CTNNA2: variants seen among roughly 807,000 people sequenced by gnomAD.
The protein encoded by CTNNA2 is catenin alpha 2, also known as catenin alpha-2.
CTNNA2 carries 42 observed loss-of-function variants against 101.0 expected under a neutral mutation model. The ratio of observed to expected loss-of-function variants is 0.42; its 90% CI spans 0.32 to 0.54. CTNNA2 has a LOEUF of 0.54. Among genes scored for constraint, CTNNA2 ranks in the 20% least tolerant of loss-of-function variants. CTNNA2 has a pLI of 0.14. For synonymous variants in CTNNA2, 450 were observed against 456.4 expected, an observed-to-expected ratio of 0.99 and a Z score of 0.18; for missense variants, 871 against 1,223.1, an observed-to-expected ratio of 0.71 and a Z score of 4.29.
chr2:79,744,915 C>G (rs1471699070), intron 3 of CTNNA2, among the ~76,000 whole-genome samples: 1 of 152,090 alleles, frequency 6.6e-6, no homozygotes, highest in African/African-American at 2.4e-5. Context: ...AATGTAAAAT[C>G]AGGTTTCTAT....
chr2:79,875,506 A>C (rs1682951018), intron 6 of CTNNA2, among the ~76,000 whole-genome samples: 1 of 152,182 alleles, frequency 6.6e-6, no homozygotes. Flanking sequence ...GCTTTTGAAT[A>C]TGTTGATGTG....
intron 1 of CTNNA2, among the ~76,000 whole-genome samples, chr2:79,619,940 C>CT (rs1337386481): frequency 1.3e-5 from 2 of 152,236 alleles, no homozygotes; most frequent in Middle Eastern, 3.4e-3. Flanking sequence ...ATTTTCGTAG[C>CT]TTTTTTTCTG....
Position 80,574,172 on chromosome 2 carries a change from G to A in CTNNA2, c.1751G>A (p.Arg584His), listed in dbSNP as rs754282191. The A allele has an allele frequency of 7.4e-6, 12 of 1,611,426 alleles. No homozygotes were observed. The highest frequency in any genetic ancestry group is 3.3e-5 in the Admixed American group (2 of 59,888). ...TTTATTTTTAACCCAGTGATGCCAC[G>A]CTTCGCTGAACAAGTAGAGGTTGCC... ...TKLLSETVMP[R>H]FAEQVEVAIE... The change falls in exon 13 of 19, where the codon CGC becomes CAC. Residue 584 changes from arginine (R) to histidine (H), a missense_variant. Arg to His is a conservative substitution (Grantham distance 29). Transcript: ENST00000402739.
chr2:80,146,143 C>T (rs1204080190), intron 7 of CTNNA2, among the ~76,000 whole-genome samples: 1 of 152,192 alleles, frequency 6.6e-6, no homozygotes, highest in African/African-American at 2.4e-5. Context: ...ACAGCCCTAG[C>T]TGTCTCTTCA....
At chr2:79,841,119 C>A (rs887523174) in intron 3 of CTNNA2, among the ~76,000 whole-genome samples, 1 of 152,126 alleles carries the variant, frequency 6.6e-6, no homozygotes, top group African/African-American at 2.4e-5. Flanking sequence ...TGTTTGGAGA[C>A]AGGGTCTTGC....
In CTNNA2 at chr2:79,263,545, A is replaced by G. The variant is rs922137902; in HGVS notation, c.-405-49164A>G. Among the ~76,000 whole-genome samples the G allele has an allele frequency of 2.6e-5, 4 of 152,198 alleles. No homozygotes were observed. In the East Asian group the frequency reaches 5.8e-4, roughly 22 times the overall value. On this transcript the variant is annotated intron_variant, in intron 2 of 21. Coordinates refer to the CTNNA2 transcript ENST00000466387. ...AATAAACCTCTTTTCTTTATAAATC[A>G]CCCAGCCTCGGATATTTATTTATAG...
chr2:79,248,550 G>A (rs4852469), intron 2 of CTNNA2, among the ~76,000 whole-genome samples: 103,804 of 151,924 alleles, frequency 0.68, 35,895 homozygotes, highest in East Asian at 0.84. Context: ...ACCATATTGA[G>A]GAGTGCAGGC....
In CTNNA2 at chr2:80,589,416, G is replaced by A. The variant is rs1233753297; in HGVS notation, c.2120G>A (p.Ser707Asn). ...GCAGAAGTGGCCAAATGGGACGACA[G>A]CGGCAATGATATCATTGTACTGGCC... is the stretch of plus-strand genomic sequence containing the variant. Reference protein sequence around the residue: ...LDAEVAKWDDSGNDIIVLAKQ... With the variant: ...LDAEVAKWDDNGNDIIVLAKQ... The change falls in exon 15 of 19, where the codon AGC becomes AAC. Residue 707 changes from serine (S) to asparagine (N), a missense_variant. Around this residue, in one of 5 missense-constraint regions of CTNNA2, gnomAD observed 93 missense variants for 223.7 expected, o/e 0.42. Transcript: ENST00000402739. 1 of 1,614,004 alleles carries A rather than the reference G, an allele frequency of 6.2e-7. No individual in the cohort carries two copies. The highest frequency in any genetic ancestry group is 8.5e-7 in the Non-Finnish European group (1 of 1,180,000).
At chr2:80,252,474 T>A (rs1671841836) in intron 7 of CTNNA2, among the ~76,000 whole-genome samples, 1 of 152,166 alleles carries the variant, frequency 6.6e-6, no homozygotes, top group African/African-American at 2.4e-5. Flanking sequence ...GCCTCTTGGG[T>A]TGTCCTGCCT....
intron 1 of CTNNA2, among the ~76,000 whole-genome samples, chr2:79,556,681 A>T (rs1312121509): frequency 1.3e-5 from 2 of 152,008 alleles, no homozygotes; most frequent in Non-Finnish European, 1.5e-5. Context: ...TTGTCTTCTT[A>T]TATGTAAAAT....
intron 2 of CTNNA2, among the ~76,000 whole-genome samples, chr2:79,712,531 A>G (rs1182778060): frequency 6.6e-6 from 1 of 152,170 alleles, no homozygotes; most frequent in Admixed American, 6.5e-5. Context: ...AGGAAAAATC[A>G]TTCCCCAAAT....
At chr2:80,050,464 A>G (rs1434361792) in intron 7 of CTNNA2, among the ~76,000 whole-genome samples, 1 of 152,196 alleles carries the variant, frequency 6.6e-6, no homozygotes, top group African/African-American at 2.4e-5. Context: ...TCAGCGTGCC[A>G]CATGTCCCTT....
intron 4 of CTNNA2, among the ~76,000 whole-genome samples, chr2:79,391,537 A>G (rs1364557487): frequency 6.6e-6 from 1 of 152,288 alleles, no homozygotes; most frequent in South Asian, 2.1e-4. Flanking sequence ...GTCAAAAATT[A>G]TATGTGGACT....
At chr2:80,488,348 G>T (rs1686767873) in intron 9 of CTNNA2, among the ~76,000 whole-genome samples, 1 of 151,930 alleles carries the variant, frequency 6.6e-6, no homozygotes, top group Non-Finnish European at 1.5e-5. Flanking sequence ...GGTTAATAGG[G>T]TATATGTCTG....
intron 7 of CTNNA2, among the ~76,000 whole-genome samples, chr2:80,353,441 C>T (rs1478403392): frequency 6.6e-6 from 1 of 152,114 alleles, no homozygotes; most frequent in East Asian, 1.9e-4. Context: ...TAACTATTCT[C>T]TCCTTTCTAC....
chr2:80,248,104 T>C (rs1256144118), intron 7 of CTNNA2, among the ~76,000 whole-genome samples: 1 of 151,908 alleles, frequency 6.6e-6, no homozygotes, highest in East Asian at 1.9e-4. Flanking sequence ...GTGCCCTATC[T>C]CTTTGAGGTT....
In CTNNA2 at chr2:80,619,004, C is replaced by G. The variant is rs145250873; in HGVS notation, c.2431-81C>G. Reference sequence around the variant, plus strand: ...CCCATTCCCTCTTCCACTCCCTAATCCCTTCCCAAGTAGGGTACTTTTTTT... The same window carrying G: ...CCCATTCCCTCTTCCACTCCCTAATGCCTTCCCAAGTAGGGTACTTTTTTT... On this transcript the variant is annotated intron_variant, in intron 17 of 18. Transcript: ENST00000402739. 2,702 of 969,270 alleles carry G rather than the reference C, an allele frequency of 2.8e-3. 7 individuals carry two copies. The highest frequency in any genetic ancestry group is 3.6e-3 in the Non-Finnish European group (2,489 of 692,392). The allele number at this position is 969,270 out of a possible 1,614,324, so 60.0% of individuals were successfully genotyped here.
intron 1 of CTNNA2, among the ~76,000 whole-genome samples, chr2:79,640,240 A>G (rs78713054): frequency 4.5e-4 from 69 of 152,248 alleles, no homozygotes; most frequent in African/African-American, 1.6e-3. Context: ...AAACAGGGAG[A>G]CTTCCTAAAG....
At chr2:79,213,868 T>G (rs185549289) in intron 2 of CTNNA2, among the ~76,000 whole-genome samples, 1 of 151,436 alleles carries the variant, frequency 6.6e-6, no homozygotes, top group East Asian at 2.0e-4. Context: ...CTGTAGAGAG[T>G]GAGTTGAGCA....
Sources: allele counts gnomAD v4.1 joint callset (sites outside exome capture counted in the v4.1 genomes callset), GRCh38; gene constraint gnomAD v4.1.1; regional missense constraint gnomAD v4.1.1; transcripts MANE v1.5; gene names NCBI Gene and HGNC (gene_info 2026-07-23, HGNC 2026-07-21).